CSMD1: variants seen among roughly 807,000 people sequenced by gnomAD.
CSMD1 encodes the protein CUB and sushi domain-containing protein 1.
In CSMD1, 213 loss-of-function variants were observed where a neutral mutation model predicts 417.5. The observed-to-expected ratio is 0.51, with a 90% confidence interval of 0.46 to 0.57. The LOEUF is 0.57. Ranked by LOEUF, CSMD1 falls within the 20% of genes least tolerant of loss-of-function variation. CSMD1 has a pLI of 0.00. For synonymous variants in CSMD1, 2,862 were observed against 1,736.8 expected (o/e 1.65, Z -16.11); for missense variants, 6,923 against 4,529.7 (o/e 1.53, Z -15.17).
chr8:3,659,081 A>G (rs1002928743), intron 7 of CSMD1, among the ~76,000 whole-genome samples: 21 of 152,330 alleles, frequency 1.4e-4, no homozygotes, highest in African/African-American at 4.6e-4. Context: ...AATTTCCGAA[A>G]TGGTAATCTA....
chr8:4,375,856 T>C (rs1203612157), intron 3 of CSMD1, among the ~76,000 whole-genome samples: 1 of 152,148 alleles, frequency 6.6e-6, no homozygotes, highest in Non-Finnish European at 1.5e-5. Flanking sequence ...GTCATCTAAA[T>C]AAAAGATGTA....
chr8:3,709,501 T>A (rs1801373732), intron 6 of CSMD1, among the ~76,000 whole-genome samples: 1 of 151,944 alleles, frequency 6.6e-6, no homozygotes, highest in Non-Finnish European at 1.5e-5. Flanking sequence ...GGGGTGTCTG[T>A]GAGAATGTCA....
At chr8:4,356,643 C>T (rs537897349) in intron 3 of CSMD1, among the ~76,000 whole-genome samples, 4 of 152,236 alleles carry the variant, frequency 2.6e-5, no homozygotes, top group Non-Finnish European at 5.9e-5. Context: ...TCTGGTCCTG[C>T]GAAGGTAGTT....
At chr8:4,113,390 CTTTTTTTTTT>C (rs59647790) in intron 3 of CSMD1, among the ~76,000 whole-genome samples, 6,943 of 81,246 alleles carry the variant, frequency 0.085, 293 homozygotes, top group Non-Finnish European at 0.11. Context: ...AATAAAAGGG[CTTTTTTTTTT>C]TTTTTTTTTT....
At chr8:4,406,982 C>G (rs937668570) in intron 3 of CSMD1, among the ~76,000 whole-genome samples, 1 of 152,156 alleles carries the variant, frequency 6.6e-6, no homozygotes, top group Non-Finnish European at 1.5e-5. Context: ...GGAAAATGTT[C>G]TAGCTTTAGG....
chr8:4,655,889 A>G (rs190280002), intron 1 of CSMD1, among the ~76,000 whole-genome samples: 8 of 152,268 alleles, frequency 5.3e-5, no homozygotes, highest in African/African-American at 1.7e-4. Flanking sequence ...TTCATCAAAT[A>G]TTGATTGACT....
intron 1 of CSMD1, among the ~76,000 whole-genome samples, chr8:4,783,360 GC>G (rs1161121497): frequency 6.6e-6 from 1 of 152,148 alleles, no homozygotes; most frequent in African/African-American, 2.4e-5. Flanking sequence ...CTAATCAGAG[GC>G]TGGGAGAGAG....
At chr8:4,795,301 C>T (rs1038636572) in intron 1 of CSMD1, among the ~76,000 whole-genome samples, 82 of 80,198 alleles carry the variant, frequency 1.0e-3, no homozygotes, top group African/African-American at 3.5e-3. Context: ...AGATGGAGTC[C>T]TGCTCTGTCG....
At chr8:3,174,347 T>G (rs1415084574) in intron 37 of CSMD1, among the ~76,000 whole-genome samples, 1 of 152,072 alleles carries the variant, frequency 6.6e-6, no homozygotes, top group Non-Finnish European at 1.5e-5. Flanking sequence ...TACAAAAAAT[T>G]AGCTGGGTGT....
intron 8 of CSMD1, among the ~76,000 whole-genome samples, chr8:3,601,931 C>G (rs541428290): frequency 2.5e-4 from 38 of 152,138 alleles, no homozygotes; most frequent in Non-Finnish European, 4.0e-4. Context: ...CACATTCTGT[C>G]TATAGTGATC....
intron 21 of CSMD1, among the ~76,000 whole-genome samples, chr8:3,356,648 C>G (rs1808813165): frequency 6.6e-6 from 1 of 152,188 alleles, no homozygotes; most frequent in Admixed American, 6.5e-5. Flanking sequence ...GCACTCCAGC[C>G]TGGGTGACAA....
chr8:4,821,655 G>A (rs1240866370), intron 1 of CSMD1, among the ~76,000 whole-genome samples: 1 of 152,102 alleles, frequency 6.6e-6, no homozygotes, highest in Non-Finnish European at 1.5e-5. Context: ...TGGGAATTTT[G>A]AAAGGAAATG....
At chr8:4,329,493 G>C (rs1276537869) in intron 3 of CSMD1, among the ~76,000 whole-genome samples, 1 of 152,094 alleles carries the variant, frequency 6.6e-6, no homozygotes, top group Non-Finnish European at 1.5e-5. Flanking sequence ...TCACCACGTT[G>C]GCCAGGCCAG....
At chr8:4,473,375 G>C (rs1800636688) in intron 2 of CSMD1, among the ~76,000 whole-genome samples, 1 of 152,132 alleles carries the variant, frequency 6.6e-6, no homozygotes, top group Non-Finnish European at 1.5e-5. Context: ...TTGAGAAAGT[G>C]GCTGGCTTAC....
At position 4,513,092 on chromosome 8, in the gene CSMD1, G is replaced by C. The variant is rs143185510; in HGVS notation, c.303-93027C>G. On this transcript the variant is annotated intron_variant, in intron 2 of 69. Transcript: ENST00000635120. Reference sequence around the variant, plus strand: ...GATGGATACATGTTATTGAACTTTTGTCCAAACCCATAAAATTGACAACAG... The same window carrying C: ...GATGGATACATGTTATTGAACTTTTCTCCAAACCCATAAAATTGACAACAG... 7.0e-4 allele frequency among the ~76,000 whole-genome samples: 107 copies of C among 152,206 alleles called. 1 individual carries two copies. In the East Asian group the frequency reaches 0.019, roughly 26 times the overall value.
At chr8:4,615,553 G>T (rs983441217) in intron 2 of CSMD1, among the ~76,000 whole-genome samples, 3 of 152,124 alleles carry the variant, frequency 2.0e-5, no homozygotes, top group Non-Finnish European at 2.9e-5. Flanking sequence ...ATGTGTGAGG[G>T]CCAATAGGTT....
At chr8:4,207,816 G>A (rs758440358) in intron 3 of CSMD1, among the ~76,000 whole-genome samples, 1 of 152,088 alleles carries the variant, frequency 6.6e-6, no homozygotes, top group Non-Finnish European at 1.5e-5. Context: ...TAATTATGTT[G>A]AAACAGATGC....
At chr8:4,637,983 C>A (rs1452999878) in intron 1 of CSMD1, among the ~76,000 whole-genome samples, 2 of 151,986 alleles carry the variant, frequency 1.3e-5, no homozygotes, top group Non-Finnish European at 2.9e-5. Context: ...CCAATTTTTA[C>A]AACATTTTAT....
chr8:4,298,350 C>T (rs1338408246), intron 3 of CSMD1, among the ~76,000 whole-genome samples: 1 of 152,120 alleles, frequency 6.6e-6, no homozygotes, highest in African/African-American at 2.4e-5. Flanking sequence ...TCCATGACAT[C>T]AGTTTACTGT....
Sources: allele counts gnomAD v4.1 joint callset (sites outside exome capture counted in the v4.1 genomes callset), GRCh38; gene constraint gnomAD v4.1.1; transcripts MANE v1.5; gene names NCBI Gene and HGNC (gene_info 2026-07-23, HGNC 2026-07-21).